Variants in ARPC1A observed in about 807,000 individuals in gnomAD.
ARPC1A encodes actin-related protein 2/3 complex subunit 1A.
A neutral mutation model predicts 46.9 loss-of-function variants in ARPC1A; 8 were observed. That is an observed-to-expected ratio of 0.17 (90% CI 0.10 to 0.31). The LOEUF (loss-of-function observed/expected upper bound fraction) is 0.31, where lower values mean the gene tolerates loss of function less well. Among genes scored for constraint, ARPC1A ranks in the 10% least tolerant of loss-of-function variants. ARPC1A has a pLI of 1.00. For missense variants in ARPC1A, 286 were observed against 483.6 expected, an observed-to-expected ratio of 0.59 and a Z score of 3.83; for synonymous variants, 152 against 169.0, an observed-to-expected ratio of 0.90 and a Z score of 0.78.
chr7:99,365,746 C>G (rs1793828661), intron 9 of ARPC1A, 145 bp from the exon 10 acceptor site: 2 of 854,756 alleles, frequency 2.3e-6, no homozygotes, highest in Non-Finnish European at 3.7e-6. Flanking sequence ...GGGGTGAGTC[C>G]TGGGAGATCC....
At chr7:99,355,836 C>T (rs1793618420) in intron 6 of ARPC1A, among the ~76,000 whole-genome samples, 1 of 151,984 alleles carries the variant, frequency 6.6e-6, no homozygotes, top group East Asian at 1.9e-4. Context: ...GAGATATATT[C>T]TTACTGGGGG....
At chr7:99,330,847 A>G (rs1254536749) in intron 1 of ARPC1A, among the ~76,000 whole-genome samples, 2 of 152,176 alleles carry the variant, frequency 1.3e-5, no homozygotes, top group Non-Finnish European at 2.9e-5. Context: ...TGGAAATGAT[A>G]AAGTTGGGGG....
chr7:99,345,192 A>T (rs1463030860), intron 4 of ARPC1A, among the ~76,000 whole-genome samples: 1 of 151,700 alleles, frequency 6.6e-6, no homozygotes, highest in Non-Finnish European at 1.5e-5. Context: ...TCGGCCTCCC[A>T]AAGTGCTGGG....
At chr7:99,330,869 T>A (rs1250062214) in intron 1 of ARPC1A, among the ~76,000 whole-genome samples, 1 of 152,212 alleles carries the variant, frequency 6.6e-6, no homozygotes, top group Non-Finnish European at 1.5e-5. Flanking sequence ...AGAGGAAGGC[T>A]GGCTGCTTTT....
chr7:99,329,569 A>G (rs534139118), intron 1 of ARPC1A, among the ~76,000 whole-genome samples: 3 of 152,224 alleles, frequency 2.0e-5, no homozygotes, highest in Admixed American at 6.5e-5. Context: ...TTTGACAAAC[A>G]TGAGTGTTGT....
chr7:99,363,440 AGAT>A (rs973123877), intron 8 of ARPC1A, 100 bp from the exon 9 acceptor site: 1 of 832,976 alleles, frequency 1.2e-6, no homozygotes, highest in African/African-American at 1.7e-5. Context: ...ATAAAGAAGA[AGAT>A]AATTCATTTC....
chr7:99,334,034 T>G (rs7457154), intron 2 of ARPC1A, among the ~76,000 whole-genome samples: 2 of 123,754 alleles, frequency 1.6e-5, no homozygotes, highest in African/African-American at 7.2e-5. Flanking sequence ...CACACACATA[T>G]ATATGTATTT....
At chr7:99,331,191 T>C (rs1012694531) in intron 1 of ARPC1A, among the ~76,000 whole-genome samples, 6 of 152,104 alleles carry the variant, frequency 3.9e-5, no homozygotes, top group Non-Finnish European at 7.4e-5. Flanking sequence ...GGTGGATCAC[T>C]TGAGCCCAGT....
intron 2 of ARPC1A, among the ~76,000 whole-genome samples, chr7:99,337,169 C>A (rs1793268883): frequency 6.6e-6 from 1 of 152,112 alleles, no homozygotes; most frequent in Admixed American, 6.6e-5. Context: ...TGCTGGTAAT[C>A]CCAGCACCTT....
intron 5 of ARPC1A, among the ~76,000 whole-genome samples, chr7:99,353,419 A>C (rs1584383942): frequency 2.0e-5 from 3 of 151,686 alleles, no homozygotes; most frequent in African/African-American, 7.3e-5. Flanking sequence ...TGGCCTCCCA[A>C]AGTGCTGGGA....
intron 7 of ARPC1A, among the ~76,000 whole-genome samples, chr7:99,359,302 G>A (rs183149253): frequency 0.034 from 5,149 of 152,090 alleles, 124 homozygotes; most frequent in Non-Finnish European, 0.048. Flanking sequence ...CAGGCATGGT[G>A]GCAGACGCCT....
intron 1 of ARPC1A, among the ~76,000 whole-genome samples, chr7:99,330,770 C>G (rs1793132173): frequency 6.6e-6 from 1 of 152,304 alleles, no homozygotes; most frequent in East Asian, 1.9e-4. Flanking sequence ...ATTTCAGCCT[C>G]CACCCAAGGT....
intron 5 of ARPC1A, among the ~76,000 whole-genome samples, chr7:99,353,193 C>T (rs1793575679): frequency 6.6e-6 from 1 of 151,876 alleles, no homozygotes. Flanking sequence ...GTGTCTCGCT[C>T]TGTTGCCCAG....
intron 7 of ARPC1A, 73 bp downstream of exon 7, chr7:99,358,488 G>C (rs1793680678): frequency 1.5e-6 from 2 of 1,297,074 alleles, no homozygotes; most frequent in African/African-American, 2.9e-5. Context: ...TGTGTGCTCT[G>C]TCACCCTAGC....
At chr7:99,331,730 C>T (rs1793147447) in intron 1 of ARPC1A, among the ~76,000 whole-genome samples, 1 of 151,944 alleles carries the variant, frequency 6.6e-6, no homozygotes, top group Non-Finnish European at 1.5e-5. Context: ...ACCAGCCTGG[C>T]CAACATGGTG....
intron 4 of ARPC1A, among the ~76,000 whole-genome samples, chr7:99,345,975 A>G (rs1040587635): frequency 2.0e-5 from 3 of 152,182 alleles, no homozygotes; most frequent in African/African-American, 7.2e-5. Context: ...GCACTTTGGG[A>G]GGCCGAGGCA....
intron 6 of ARPC1A, among the ~76,000 whole-genome samples, chr7:99,355,615 G>A (rs1261799301): frequency 2.7e-5 from 4 of 149,808 alleles, no homozygotes; most frequent in African/African-American, 9.8e-5. Flanking sequence ...ATGGTGGCGG[G>A]TGCCTATAGT....
At chr7:99,336,696 G>A (rs1408698035) in intron 2 of ARPC1A, among the ~76,000 whole-genome samples, 1 of 152,036 alleles carries the variant, frequency 6.6e-6, no homozygotes, top group Non-Finnish European at 1.5e-5. Flanking sequence ...GTTTCCCCGT[G>A]TTGGCCAGGC....
intron 5 of ARPC1A, among the ~76,000 whole-genome samples, chr7:99,351,866 C>G (rs1441074288): frequency 6.6e-6 from 1 of 152,190 alleles, no homozygotes; most frequent in Non-Finnish European, 1.5e-5. Flanking sequence ...AGCCGTTCCC[C>G]TTTGCCCTTA....
Sources: gnomAD v4.1 joint callset for allele counts (sites outside exome capture counted in the v4.1 genomes callset) on GRCh38, gnomAD v4.1.1 for gene constraint, MANE v1.5 for transcripts, NCBI Gene and HGNC (gene_info 2026-07-23, HGNC 2026-07-21) for gene names.